The following STPG2 variants were observed in gnomAD, a reference collection of about 807,000 sequenced individuals.
STPG2 encodes sperm-tail PG-rich repeat-containing protein 2.
In STPG2, 56 loss-of-function variants were observed where a neutral mutation model predicts 54.2. The ratio of observed to expected loss-of-function variants is 1.03; its 90% CI spans 0.83 to 1.29. The LOEUF (loss-of-function observed/expected upper bound fraction) is 1.29. Among genes scored for constraint, STPG2 ranks in the 50% most tolerant of loss-of-function variants. STPG2 has a pLI of 0.00. For synonymous variants in STPG2, 200 were observed against 181.8 expected (o/e 1.10, Z -0.81); for missense variants, 596 against 544.9 (o/e 1.09, Z -0.93).
intron 9 of STPG2, among the ~76,000 whole-genome samples, chr4:97,802,313 T>C (rs1393080457): frequency 6.6e-6 from 1 of 152,184 alleles, no homozygotes; most frequent in Non-Finnish European, 1.5e-5. Flanking sequence ...GACAACTGTA[T>C]ATGGCATTCT....
intron 10 of STPG2, among the ~76,000 whole-genome samples, chr4:97,709,073 G>A (rs1250951867): frequency 6.6e-6 from 1 of 151,720 alleles, no homozygotes; most frequent in African/African-American, 2.4e-5. Flanking sequence ...AAAATGTGAT[G>A]TGAAGTCTGA....
chr4:97,637,917 C>T (rs965996093), intron 10 of STPG2, among the ~76,000 whole-genome samples: 2 of 151,840 alleles, frequency 1.3e-5, no homozygotes, highest in African/African-American at 4.8e-5. Context: ...GGCCATACTG[C>T]CCAAGGTAAT....
Position 97,882,851 on chromosome 4 carries a change from A to C in STPG2, c.1045-41919T>G, listed in dbSNP as rs183309887. ...TCAGAAGAAAAGGTAAGGCAAAGGT[A>C]TGCAAATCAAAGCATAATTATTGTG... On this transcript the variant is annotated intron_variant, in intron 8 of 10. Transcript: ENST00000295268. Among the ~76,000 whole-genome samples the C allele has an allele frequency of 9.9e-4, 151 of 152,280 alleles. 2 individuals carry two copies. The highest frequency in any genetic ancestry group is 3.8e-3 in the Admixed American group (58 of 15,284).
At chr4:97,817,380 A>C (rs1246851301) in intron 9 of STPG2, among the ~76,000 whole-genome samples, 1 of 151,976 alleles carries the variant, frequency 6.6e-6, no homozygotes, top group African/African-American at 2.4e-5. Flanking sequence ...TAGTAATAAA[A>C]ATGGTATTGA....
At chr4:97,921,748 G>C (rs1010995449) in intron 8 of STPG2, among the ~76,000 whole-genome samples, 1 of 152,172 alleles carries the variant, frequency 6.6e-6, no homozygotes, top group Non-Finnish European at 1.5e-5. Flanking sequence ...CGCAGATCTG[G>C]AGTAGAAAAT....
At chr4:97,778,300 C>A (rs750867968) in intron 9 of STPG2, among the ~76,000 whole-genome samples, 1 of 152,084 alleles carries the variant, frequency 6.6e-6, no homozygotes, top group Non-Finnish European at 1.5e-5. Flanking sequence ...CCATGCCTGG[C>A]TCGGAGGGTC....
At chr4:97,903,589 CA>C (rs1489717228) in intron 8 of STPG2, among the ~76,000 whole-genome samples, 1 of 151,970 alleles carries the variant, frequency 6.6e-6, no homozygotes, top group African/African-American at 2.4e-5. Context: ...GACCGATTAA[CA>C]AAAAAAGAGG....
At chr4:97,638,409 A>C (rs1419905239) in intron 10 of STPG2, among the ~76,000 whole-genome samples, 3 of 152,156 alleles carry the variant, frequency 2.0e-5, no homozygotes, top group Non-Finnish European at 4.4e-5. Context: ...AAACCTAGGC[A>C]TTACCATTCA....
At chr4:97,940,705 T>C (rs1732943387) in intron 8 of STPG2, among the ~76,000 whole-genome samples, 1 of 152,206 alleles carries the variant, frequency 6.6e-6, no homozygotes, top group African/African-American at 2.4e-5. Flanking sequence ...CCTGTATCAC[T>C]TTATTGTGAT....
At chr4:97,451,557 G>A (rs963150404) in intron 4 of STPG2, among the ~76,000 whole-genome samples, 1 of 152,092 alleles carries the variant, frequency 6.6e-6, no homozygotes, top group Non-Finnish European at 1.5e-5. Flanking sequence ...AAAGACAACA[G>A]GGATCACCTT....
intron 8 of STPG2, among the ~76,000 whole-genome samples, chr4:97,867,455 T>C (rs1474771738): frequency 6.6e-6 from 1 of 152,036 alleles, no homozygotes. Flanking sequence ...CTGTAAATTC[T>C]CATTTTTTTC....
At chr4:97,739,650 C>T (rs953208757) in intron 9 of STPG2, among the ~76,000 whole-genome samples, 6 of 152,206 alleles carry the variant, frequency 3.9e-5, no homozygotes, top group Non-Finnish European at 5.9e-5. Context: ...TACACCCTCC[C>T]TAGAGTAAAC....
At chr4:97,885,404 G>T (rs776642821) in intron 8 of STPG2, among the ~76,000 whole-genome samples, 3 of 152,114 alleles carry the variant, frequency 2.0e-5, no homozygotes, top group Admixed American at 1.3e-4. Flanking sequence ...TAAATATCAC[G>T]TGTTACCATA....
intron 8 of STPG2, among the ~76,000 whole-genome samples, chr4:97,928,716 A>T (rs1374707215): frequency 1.3e-5 from 2 of 152,068 alleles, no homozygotes; most frequent in East Asian, 3.9e-4. Context: ...TGATTTGTGA[A>T]TTTTTAACAT....
At chr4:97,771,824 G>A (rs1726228551) in intron 9 of STPG2, among the ~76,000 whole-genome samples, 1 of 152,206 alleles carries the variant, frequency 6.6e-6, no homozygotes, top group South Asian at 2.1e-4. Flanking sequence ...AAACAGATCT[G>A]GGATATGGAT....
At chr4:97,915,247 T>G (rs1336658470) in intron 8 of STPG2, among the ~76,000 whole-genome samples, 6 of 152,194 alleles carry the variant, frequency 3.9e-5, no homozygotes, top group African/African-American at 1.4e-4. Context: ...TACGATACAC[T>G]GGGAAAAGAG....
At chr4:97,598,402 A>G (rs1350136848) in intron 10 of STPG2, among the ~76,000 whole-genome samples, 2 of 152,122 alleles carry the variant, frequency 1.3e-5, no homozygotes, top group Admixed American at 6.6e-5. Context: ...TTCATATGGA[A>G]CCAAAAAAGA....
rs144371226 is a variant in STPG2 at position 97,683,669 on chromosome 4, T to C, written c.1320+29030A>G. ...AAACCAAAGATAGCCTCATACTTGATGTTGAGACACGAGATGCTTTTCTCG... is the reference window on the plus strand; with the variant it reads ...AAACCAAAGATAGCCTCATACTTGACGTTGAGACACGAGATGCTTTTCTCG... On this transcript the variant is annotated intron_variant, in intron 10 of 10. Transcript: ENST00000295268. Among the ~76,000 whole-genome samples the C allele has an allele frequency of 6.6e-5, 10 of 151,972 alleles. No homozygotes were observed. The East Asian group carries it at 1.9e-3, about 29-fold the overall frequency.
At chr4:97,662,517 C>A (rs1483921833) in intron 10 of STPG2, among the ~76,000 whole-genome samples, 1 of 152,100 alleles carries the variant, frequency 6.6e-6, no homozygotes, top group Non-Finnish European at 1.5e-5. Context: ...TTGGTATACA[C>A]CCAAAGAAAA....
Sources: gnomAD v4.1 joint callset for allele counts (sites outside exome capture counted in the v4.1 genomes callset) on GRCh38, gnomAD v4.1.1 for gene constraint, MANE v1.5 for transcripts, NCBI Gene and HGNC (gene_info 2026-07-23, HGNC 2026-07-21) for gene names.